Variants in SGCE observed in about 807,000 individuals in gnomAD.
SGCE encodes the protein sarcoglycan epsilon, also known as epsilon-sarcoglycan.
Under a neutral mutation model 57.8 loss-of-function variants are expected in SGCE, and 26 were observed. The ratio of observed to expected loss-of-function variants is 0.45; its 90% CI spans 0.33 to 0.62. The LOEUF (loss-of-function observed/expected upper bound fraction) is 0.62, where lower values mean the gene tolerates loss of function less well. SGCE is among the 20% of genes least tolerant of loss of function. The pLI is 0.02. For missense variants in SGCE, 468 were observed against 548.6 expected (o/e 0.85, Z 1.47); for synonymous variants, 183 against 189.5 (o/e 0.97, Z 0.28).
intron 3 of SGCE, chr7:94,623,629 A>G (rs1803195520): frequency 2.0e-6 from 1 of 502,500 alleles, no homozygotes; most frequent in Non-Finnish European, 3.5e-6. Context: ...AGTTAAAATC[A>G]GAAAGACTCT....
At chr7:94,630,076 A>G (rs1804446772) in intron 1 of SGCE, among the ~76,000 whole-genome samples, 2 of 151,994 alleles carry the variant, frequency 1.3e-5, no homozygotes, top group Non-Finnish European at 2.9e-5. Context: ...AACACTACAT[A>G]GACAAAATTA....
intron 1 of SGCE, among the ~76,000 whole-genome samples, chr7:94,645,532 A>G (rs1374370301): frequency 6.6e-6 from 1 of 152,240 alleles, no homozygotes; most frequent in Non-Finnish European, 1.5e-5. Context: ...CTTTAAATGA[A>G]GAATGCCAGA....
intron 10 of SGCE, chr7:94,586,790 C>G (rs1287526911): frequency 2.0e-6 from 2 of 979,164 alleles, no homozygotes; most frequent in Non-Finnish European, 2.4e-6. Flanking sequence ...GTGTGAGCCA[C>G]CGCACCCAGC....
chr7:94,609,428 A>G (rs1481637999), intron 5 of SGCE, among the ~76,000 whole-genome samples: 1 of 152,194 alleles, frequency 6.6e-6, no homozygotes, highest in Non-Finnish European at 1.5e-5. Flanking sequence ...TTGACTTGGG[A>G]GGCTGAGGCA....
At chr7:94,599,650 A>C (rs763159565) in intron 8 of SGCE, 47 bp downstream of exon 8, 3 of 1,512,600 alleles carry the variant, frequency 2.0e-6, no homozygotes, top group Non-Finnish European at 2.8e-6. Flanking sequence ...GGCAACTGAG[A>C]GGTGGGAAAA....
intron 9 of SGCE, among the ~76,000 whole-genome samples, chr7:94,592,455 GATT>G (rs1797832738): frequency 6.6e-6 from 1 of 152,116 alleles, no homozygotes; most frequent in African/African-American, 2.4e-5. Flanking sequence ...ACAATTTAAT[GATT>G]ATTAGACTAA....
intron 10 of SGCE, 142 bp downstream of exon 10, chr7:94,588,547 G>GT: frequency 2.7e-6 from 4 of 1,501,912 alleles, no homozygotes; most frequent in Non-Finnish European, 3.5e-6. Flanking sequence ...TTATTCTGAG[G>GT]TTTTAAGTCT....
intron 5 of SGCE, among the ~76,000 whole-genome samples, chr7:94,606,907 T>C (rs1048892818): frequency 5.3e-5 from 8 of 152,164 alleles, no homozygotes; most frequent in Non-Finnish European, 1.2e-4. Context: ...GAAAATATTC[T>C]GAATTAAATA....
chr7:94,649,499 C>T (rs1251752910), intron 1 of SGCE, among the ~76,000 whole-genome samples: 1 of 152,244 alleles, frequency 6.6e-6, no homozygotes, highest in Non-Finnish European at 1.5e-5. Flanking sequence ...TACAAGTAGC[C>T]GCCTGTAGAT....
intron 2 of SGCE, chr7:94,628,567 T>C: frequency 1.8e-6 from 1 of 548,834 alleles, no homozygotes; most frequent in Non-Finnish European, 3.3e-6. Context: ...CAAAATCTGA[T>C]GCAACAAAGA....
intron 1 of SGCE, among the ~76,000 whole-genome samples, chr7:94,643,130 C>T (rs1806624468): frequency 6.6e-6 from 1 of 152,152 alleles, no homozygotes; most frequent in South Asian, 2.1e-4. Context: ...AATTATTGTT[C>T]AGAGTTTTAT....
chr7:94,603,996 T>C (rs1395479925), intron 5 of SGCE, among the ~76,000 whole-genome samples: 1 of 152,118 alleles, frequency 6.6e-6, no homozygotes, highest in Admixed American at 6.6e-5. Context: ...CCTATATGCT[T>C]GGTCTCTCAT....
At chr7:94,616,261 C>G (rs920051989) in intron 5 of SGCE, among the ~76,000 whole-genome samples, 1 of 152,142 alleles carries the variant, frequency 6.6e-6, no homozygotes, top group Non-Finnish European at 1.5e-5. Context: ...TGCTGTTTAA[C>G]TGACTATACA....
At chr7:94,598,599 A>G in intron 9 of SGCE, 176 bp downstream of exon 9, 1 of 629,938 alleles carries the variant, frequency 1.6e-6, no homozygotes, top group East Asian at 2.8e-5. Context: ...CATTTCCTAA[A>G]AGTAATTGTA....
intron 1 of SGCE, among the ~76,000 whole-genome samples, chr7:94,637,291 T>A (rs148338844): frequency 2.0e-5 from 3 of 152,292 alleles, no homozygotes; most frequent in Non-Finnish European, 4.4e-5. Context: ...ACAATTCTCC[T>A]CATACAGTTG....
chr7:94,616,308 G>A (rs1007822240), intron 5 of SGCE, among the ~76,000 whole-genome samples: 12 of 151,982 alleles, frequency 7.9e-5, no homozygotes, highest in African/African-American at 2.9e-4. Flanking sequence ...ATTACTTGTG[G>A]CTGACATGTG....
rs1423919558 is a variant in SGCE, at chr7:94,627,027, TA to T, written c.390+1174del. The T allele has an allele frequency of 4.6e-5, 7 of 152,006 alleles. No homozygotes were observed. The East Asian group carries it at 1.2e-3, about 25-fold the overall frequency. The allele number at this position is 152,006 out of a possible 1,614,324, so 9.4% of individuals were successfully genotyped here. A position where few individuals can be genotyped will look rare whatever the true frequency, so the allele number is the denominator to read the frequency against. On this transcript the variant is annotated intron_variant, in intron 3 of 10. Coordinates refer to ENST00000648936, the MANE Select transcript of SGCE (RefSeq NM_003919.3). ...TCTTTTATAACTTTTACTGAATATTTAAAAAAATTAATTTGACAATAGCTCA... is the reference window on the plus strand; with the variant it reads ...TCTTTTATAACTTTTACTGAATATTTAAAAAATTAATTTGACAATAGCTCA...
At position 94,603,411 on chromosome 7, in the gene SGCE, CAAG is replaced by C; in HGVS notation, c.701_703del (p.Ser234del). 2 of 1,613,300 alleles carry C rather than the reference CAAG, an allele frequency of 1.2e-6. No homozygotes were observed. Among genetic ancestry groups the C allele is most frequent in the East Asian group, 2.2e-5 (1 of 44,802 alleles). On this transcript the variant is annotated inframe_deletion, in exon 6 of 11. Coordinates refer to ENST00000648936, the MANE Select transcript of SGCE (RefSeq NM_003919.3). ...CTGTGGATTTTCAACTTCTCGTAAACAAGAAGAAAACGGGACATCTGCACCAAC... is the reference window on the plus strand; with the variant it reads ...CTGTGGATTTTCAACTTCTCGTAAACAAGAAAACGGGACATCTGCACCAAC...
chr7:94,590,240 G>A (rs1177333210), intron 9 of SGCE, among the ~76,000 whole-genome samples: 3 of 151,978 alleles, frequency 2.0e-5, no homozygotes, highest in Non-Finnish European at 2.9e-5. Flanking sequence ...AAATTCCCAT[G>A]AGAAATGTTA....
Sources: allele counts gnomAD v4.1 joint callset (sites outside exome capture counted in the v4.1 genomes callset), GRCh38; gene constraint gnomAD v4.1.1; transcripts MANE v1.5; gene names NCBI Gene and HGNC (gene_info 2026-07-23, HGNC 2026-07-21).